DUSP7: variants seen among roughly 807,000 people sequenced by gnomAD.
DUSP7 encodes the protein dual specificity phosphatase 7, also known as dual specificity protein phosphatase 7.
DUSP7 carries 7 observed loss-of-function variants against 29.8 expected under a neutral mutation model. That is an observed-to-expected ratio of 0.24 (90% confidence interval 0.13 to 0.44). DUSP7 has a LOEUF of 0.44. Ranked by LOEUF, DUSP7 falls within the 20% of genes least tolerant of loss-of-function variation. DUSP7 has a pLI of 1.00. For synonymous variants in DUSP7, 287 were observed against 275.4 expected, an observed-to-expected ratio of 1.04 and a Z score of -0.42; for missense variants, 400 against 583.7, an observed-to-expected ratio of 0.69 and a Z score of 3.24.
intron 1 of DUSP7, among the ~76,000 whole-genome samples, chr3:52,055,612 C>G (rs1701893478): frequency 6.6e-6 from 1 of 152,208 alleles, no homozygotes; most frequent in Admixed American, 6.5e-5. Context: ...AAACCCCAGG[C>G]AGGGGAAAGT....
Position 52,050,708 on chromosome 3 carries a change from G to A in DUSP7, c.*107C>T. ...TCAGCCTGGGCCTCTGGGCACAGGT[G>A]ACATCTGGGGGTTCCTCAGGCCAGA... On this transcript the variant is annotated 3_prime_UTR_variant, in exon 3 of 3. Coordinates refer to ENST00000495880, the MANE Select transcript of DUSP7 (RefSeq NM_001947.4). This position sits in a 1 kb window ranked among gnomAD's most constrained non-coding sequence, Gnocchi z 5.0. 7.8e-7 allele frequency: 1 copy of A among 1,276,836 alleles called. No homozygotes were observed. The highest frequency in any genetic ancestry group is 1.1e-6 in the Non-Finnish European group (1 of 934,296). 79.1% of individuals were successfully genotyped at this position (1,276,836 alleles called of 1,614,324 possible). A position where few individuals can be genotyped will look rare whatever the true frequency, so the allele number is the denominator to read the frequency against.
In DUSP7 at chr3:52,056,359, T is replaced by G; in HGVS notation, c.8A>C (p.Asn3Thr). Residue 3 changes from asparagine (N) to threonine (T), a missense_variant, in exon 1 of 3, where the codon AAC becomes ACC. Physicochemically the swap from Asn to Thr is moderately conservative, Grantham distance 65 (BLOSUM62 0). This residue lies in a region of DUSP7 where 96 missense variants were observed against 97.1 expected (regional missense o/e 0.99). Coordinates refer to ENST00000495880, the MANE Select transcript of DUSP7 (RefSeq NM_001947.4). The surrounding 1 kb of genome is among the most constrained non-coding windows in gnomAD (Gnocchi z 6.4). Reference sequence around the variant, plus strand: ...CCGCGCTGGGGGGCCGCGGAGCTGGTTTTTCATGGGGAGCGCGGGCGGCCC... The same window carrying G: ...CCGCGCTGGGGGGCCGCGGAGCTGGGTTTTCATGGGGAGCGCGGGCGGCCC... MK[N>T]QLRGPPARAH... 8.9e-7 allele frequency: 1 copy of G among 1,129,512 alleles called. No homozygotes were observed. The highest frequency in any genetic ancestry group is 1.1e-6 in the Non-Finnish European group (1 of 925,082). The allele number at this position is 1,129,512 out of a possible 1,614,324, so 70.0% of individuals were successfully genotyped here.
chr3:52,054,126 A>T lies in DUSP7; in HGVS notation c.766T>A (p.Cys256Ser). ...TCCAGGTTGGTGGAGTCCTTGGCGC[A>T]GCCGAGGTAGAGGTAGGGCAGGATC... Reference protein sequence around the residue: ...VQILPYLYLGCAKDSTNLDVL... With the variant: ...VQILPYLYLGSAKDSTNLDVL... Residue 256 changes from cysteine to serine, a missense_variant, in exon 2 of 3, where the codon TGC (cysteine) becomes AGC (serine). Around this residue, in one of 4 missense-constraint regions of DUSP7, gnomAD observed 223 missense variants for 360.9 expected, o/e 0.62. Transcript: ENST00000495880. This position sits in a 1 kb window ranked among gnomAD's most constrained non-coding sequence, Gnocchi z 4.1. 1 of 1,614,162 alleles carries T rather than the reference A, an allele frequency of 6.2e-7. No individual in the cohort carries two copies. The highest frequency in any genetic ancestry group is 2.2e-5 in the East Asian group (1 of 44,878).
rs1701876960 is a variant in DUSP7 at position 52,054,352 on chromosome 3, T to C, written c.540A>G (p.Thr180=). ...YLQGGFNKFQ[T]EYSEHCETNV... ...TGGTCTCGCAGTGCTCAGAGTACTCTGTTTGAAACTTGTTGAAACCACCTG... is the reference window on the plus strand; with the variant it reads ...TGGTCTCGCAGTGCTCAGAGTACTCCGTTTGAAACTTGTTGAAACCACCTG... Residue 180 remains threonine, a synonymous_variant, in exon 2 of 3, where the codon ACA becomes ACG. Coordinates refer to ENST00000495880, the MANE Select transcript of DUSP7 (RefSeq NM_001947.4). The surrounding 1 kb of genome is among the most constrained non-coding windows in gnomAD (Gnocchi z 4.1). 1 of 1,529,142 alleles carries C rather than the reference T, an allele frequency of 6.5e-7. No homozygotes were observed. 94.7% of individuals were successfully genotyped at this position (1,529,142 alleles called of 1,614,324 possible). A position where few individuals can be genotyped will look rare whatever the true frequency, so the allele number is the denominator to read the frequency against.
In DUSP7 at chr3:52,050,280, C is replaced by T. The variant is rs139654561; in HGVS notation, c.*535G>A. ...ACGATACTTGCTTTTTGAAATTGAA[C>T]GAAAAACAAAACTGAACATTTCTCT... On this transcript the variant is annotated 3_prime_UTR_variant, in exon 3 of 3. Transcript: ENST00000495880. The surrounding 1 kb of genome is among the most constrained non-coding windows in gnomAD (Gnocchi z 5.0). 2 of 150,058 alleles carry T rather than the reference C, an allele frequency of 1.3e-5. No homozygotes were observed. Among genetic ancestry groups the T allele is most frequent in the Non-Finnish European group, 2.9e-5 (2 of 67,824 alleles). The allele number at this position is 150,058 out of a possible 1,614,324, so 9.3% of individuals were successfully genotyped here.
At position 52,050,387 on chromosome 3, in the gene DUSP7, T is replaced by TAAAAAAAAAAAAAA. The variant is rs56411906; in HGVS notation, c.*414_*427dup. 1 of 128,052 alleles carries TAAAAAAAAAAAAAA rather than the reference T, an allele frequency of 7.8e-6. No individual in the cohort carries two copies. The allele number at this position is 128,052 out of a possible 1,614,324, so 7.9% of individuals were successfully genotyped here. A position where few individuals can be genotyped will look rare whatever the true frequency, so the allele number is the denominator to read the frequency against. The stretch of plus-strand genomic sequence containing the variant: ...GTAGCCTGAAAATAACACTTTTTGT[T>TAAAAAAAAAAAAAA]AAAAAAAAAAAAAAAAAAGAAAAAT... On this transcript the variant is annotated 3_prime_UTR_variant, in exon 3 of 3. Coordinates refer to ENST00000495880, the MANE Select transcript of DUSP7 (RefSeq NM_001947.4). The surrounding 1 kb of genome is among the most constrained non-coding windows in gnomAD (Gnocchi z 5.0).
In DUSP7 at chr3:52,050,849, T is replaced by C. The variant is rs769493376; in HGVS notation, c.1226A>G (p.Asn409Ser). 5.0e-6 allele frequency: 8 copies of C among 1,613,604 alleles called. No homozygotes were observed. Among genetic ancestry groups the C allele is most frequent in the Non-Finnish European group, 6.8e-6 (8 of 1,179,694 alleles). The change falls in exon 3 of 3, where the codon AAC (asparagine) becomes AGC (serine). Residue 409 changes from asparagine (N) to serine (S), a missense_variant. Transcript: ENST00000495880. This position sits in a 1 kb window ranked among gnomAD's most constrained non-coding sequence, Gnocchi z 5.0. ...CTCCAGCGTATTGAGTGGGAACAGGTTGTGGTTGGTGGGCGTGGAAAAGTA... is the reference window on the plus strand; with the variant it reads ...CTCCAGCGTATTGAGTGGGAACAGGCTGTGGTTGGTGGGCGTGGAAAAGTA... ...QLYFSTPTNH[N>S]LFPLNTLEST
Position 52,051,148 on chromosome 3 carries a change from G to A in DUSP7, c.953-26C>T, listed in dbSNP as rs369331933. 3.2e-6 allele frequency: 5 copies of A among 1,582,940 alleles called. No homozygotes were observed. The highest frequency in any genetic ancestry group is 4.3e-6 in the Non-Finnish European group (5 of 1,166,076). On this transcript the variant is annotated intron_variant, in intron 2 of 2. Transcript: ENST00000495880. This position sits in a 1 kb window ranked among gnomAD's most constrained non-coding sequence, Gnocchi z 4.8. ...CTGAAACACATTGGCATGGGTCAGG[G>A]AGGTGCCTCCTTCAAGGAGCCTTCC...
Position 52,049,764 on chromosome 3 carries a change from AAGAG to A in DUSP7, c.*1047_*1050del, listed in dbSNP as rs1222615166. 2 of 151,470 alleles carry A rather than the reference AAGAG, an allele frequency of 1.3e-5. No individual in the cohort carries two copies. Among genetic ancestry groups the A allele is most frequent in the Admixed American group, 6.6e-5 (1 of 15,218 alleles). 9.4% of individuals were successfully genotyped at this position (151,470 alleles called of 1,614,324 possible). ...AAAGAGAGAGAGAGGGAGAGAGAGA[AAGAG>A]AGAGAGGGAGAGGAAGAGAGAGAGA... On this transcript the variant is annotated 3_prime_UTR_variant, in exon 3 of 3. Coordinates refer to ENST00000495880, the MANE Select transcript of DUSP7 (RefSeq NM_001947.4).
Position 52,053,667 on chromosome 3 carries a change from AAC to A in DUSP7, c.952+271_952+272del. The A allele has an allele frequency of 2.0e-6, 1 of 504,968 alleles. No homozygotes were observed. Among genetic ancestry groups the A allele is most frequent in the South Asian group, 2.3e-5 (1 of 43,324 alleles). 31.3% of individuals were successfully genotyped at this position (504,968 alleles called of 1,614,324 possible). ...CCCGAAACAACATCTAAGCCAGGAA[AAC>A]ACAAGCTGGACAGCAGAGAGCCCAT... On this transcript the variant is annotated intron_variant, in intron 2 of 2. Transcript: ENST00000495880. This position sits in a 1 kb window ranked among gnomAD's most constrained non-coding sequence, Gnocchi z 4.6.
rs1284240309 is a variant in DUSP7 at position 52,056,374 on chromosome 3, G to C, written c.-8C>G. 2.7e-5 allele frequency: 30 copies of C among 1,098,782 alleles called. No homozygotes were observed. The highest frequency in any genetic ancestry group is 3.2e-5 in the Non-Finnish European group (29 of 904,992). The allele number at this position is 1,098,782 out of a possible 1,614,324, so 68.1% of individuals were successfully genotyped here. Reference sequence around the variant, plus strand: ...GCGGAGCTGGTTTTTCATGGGGAGCGCGGGCGGCCCGGGGCCGGGGCCGGG... The same window carrying C: ...GCGGAGCTGGTTTTTCATGGGGAGCCCGGGCGGCCCGGGGCCGGGGCCGGG... On this transcript the variant is annotated 5_prime_UTR_variant, in exon 1 of 3. Coordinates refer to ENST00000495880, the MANE Select transcript of DUSP7 (RefSeq NM_001947.4). The surrounding 1 kb of genome is among the most constrained non-coding windows in gnomAD (Gnocchi z 6.4).
intron 1 of DUSP7, 149 bp downstream of exon 1, chr3:52,055,701 C>T: frequency 2.0e-6 from 2 of 1,003,470 alleles, no homozygotes; most frequent in Non-Finnish European, 2.8e-6. Flanking sequence ...CAGTGGGGAC[C>T]CGGCTCCAGG....
Position 52,051,076 on chromosome 3 carries a change from T to C in DUSP7, c.999A>G (p.Ala333=). 1 of 1,613,664 alleles carries C rather than the reference T, an allele frequency of 6.2e-7. No individual in the cohort carries two copies. Among genetic ancestry groups the C allele is most frequent in the Non-Finnish European group, 8.5e-7 (1 of 1,179,938 alleles). ...KKCGVLVHCL[A]GISRSVTVTV... is the part of the protein sequence containing the mutation. ...TGACCGTCACTGAGCGGCTGATGCC[T>C]GCCAGGCAGTGCACCAGGACACCAC... Residue 333 remains alanine (A), a synonymous_variant, in exon 3 of 3, where the codon GCA becomes GCG. Coordinates refer to ENST00000495880, the MANE Select transcript of DUSP7 (RefSeq NM_001947.4). This position sits in a 1 kb window ranked among gnomAD's most constrained non-coding sequence, Gnocchi z 4.8.
chr3:52,055,121 TGCGCCCGA>T (rs1465988167), intron 1 of DUSP7, among the ~76,000 whole-genome samples: 1 of 152,202 alleles, frequency 6.6e-6, no homozygotes, highest in Non-Finnish European at 1.5e-5. Context: ...GCATGGGCCC[TGCGCCCGA>T]GGGTGCCGCA....
intron 2 of DUSP7, chr3:52,052,685 G>T (rs936606901): frequency 1.3e-5 from 2 of 152,320 alleles, no homozygotes; most frequent in African/African-American, 4.8e-5. Context: ...GGATGCCTGG[G>T]CCTCAATTCC....
In DUSP7 at chr3:52,049,740, A is replaced by AAGAGAGAGAG. The variant is rs972726900; in HGVS notation, c.*1065_*1074dup. 3 of 151,696 alleles carry AAGAGAGAGAG rather than the reference A, an allele frequency of 2.0e-5. No individual in the cohort carries two copies. The highest frequency in any genetic ancestry group is 6.6e-5 in the Admixed American group (1 of 15,226). The allele number at this position is 151,696 out of a possible 1,614,324, so 9.4% of individuals were successfully genotyped here. ...AGAGGGAGGGGGGGAGAGAGAAAGA[A>AAGAGAGAGAG]AGAGAGAGAGAGGGAGAGAGAGAAA... On this transcript the variant is annotated 3_prime_UTR_variant, in exon 3 of 3. Transcript: ENST00000495880.
rs777933917 is a variant in DUSP7, at chr3:52,049,722, G to C, written c.*1093C>G. 6.6e-6 allele frequency: 1 copy of C among 151,974 alleles called. No homozygotes were observed. Among genetic ancestry groups the C allele is most frequent in the Non-Finnish European group, 1.5e-5 (1 of 67,988 alleles). The allele number at this position is 151,974 out of a possible 1,614,324, so 9.4% of individuals were successfully genotyped here. On this transcript the variant is annotated 3_prime_UTR_variant, in exon 3 of 3. Transcript: ENST00000495880. ...GAGAGAGGAAAGGAAGAGAGAGGGAGGGGGGGAGAGAGAAAGAAAGAGAGA... is the reference window on the plus strand; with the variant it reads ...GAGAGAGGAAAGGAAGAGAGAGGGACGGGGGGAGAGAGAAAGAAAGAGAGA...
chr3:52,056,510 C>T lies in DUSP7; in HGVS notation c.-144G>A, dbSNP rs1701903055. 3.9e-6 allele frequency: 1 copy of T among 253,510 alleles called. No homozygotes were observed. The highest frequency in any genetic ancestry group is 6.1e-6 in the Non-Finnish European group (1 of 163,404). The allele number at this position is 253,510 out of a possible 1,614,324, so 15.7% of individuals were successfully genotyped here. A position where few individuals can be genotyped will look rare whatever the true frequency, so the allele number is the denominator to read the frequency against. On this transcript the variant is annotated 5_prime_UTR_variant, in exon 1 of 3. Coordinates refer to ENST00000495880, the MANE Select transcript of DUSP7 (RefSeq NM_001947.4). This position sits in a 1 kb window ranked among gnomAD's most constrained non-coding sequence, Gnocchi z 6.4. ...CGCCCCGGCCTCCCGGCCTCCCGGC[C>T]TCCGTCCCGCCCGCCCGCCCGGCCC...
chr3:52,052,562 C>T (rs1701857672), intron 2 of DUSP7: 1 of 152,340 alleles, frequency 6.6e-6, no homozygotes, highest in Admixed American at 6.5e-5. Context: ...TGAGGAACGC[C>T]TGGCCTCCAA....
Sources: allele counts gnomAD v4.1 joint callset (sites outside exome capture counted in the v4.1 genomes callset), GRCh38; gene constraint gnomAD v4.1.1; regional missense constraint gnomAD v4.1.1; non-coding constraint Gnocchi (gnomAD v3.1); transcripts MANE v1.5; gene names NCBI Gene and HGNC (gene_info 2026-07-23, HGNC 2026-07-21).